The following MYO9A variants were observed in gnomAD, a reference collection of about 807,000 sequenced individuals.
MYO9A encodes the protein unconventional myosin-IXa.
Under a neutral mutation model 293.3 loss-of-function variants are expected in MYO9A, and 103 were observed. That is an observed-to-expected ratio of 0.35 (90% CI 0.30 to 0.41). The LOEUF (loss-of-function observed/expected upper bound fraction) is 0.41. Ranked by LOEUF, MYO9A falls within the 10% of genes least tolerant of loss-of-function variation. The pLI, the probability that MYO9A is intolerant of heterozygous loss-of-function variation, is 1.00. For missense variants in MYO9A, 2,685 were observed against 3,033.0 expected (o/e 0.89, Z 2.69); for synonymous variants, 1,001 against 1,035.7 (o/e 0.97, Z 0.64).
At chr15:71,838,577 T>G (rs1320448341) in intron 39 of MYO9A, among the ~76,000 whole-genome samples, 1 of 152,160 alleles carries the variant, frequency 6.6e-6, no homozygotes, top group Non-Finnish European at 1.5e-5. Context: ...GTTCCTAAAA[T>G]GAGAATATCA....
chr15:72,057,596 GC>G (rs2149910575), intron 1 of MYO9A, among the ~76,000 whole-genome samples: 1 of 152,274 alleles, frequency 6.6e-6, no homozygotes, highest in Admixed American at 6.5e-5. Context: ...ATTACTCTTA[GC>G]CACAGTGGCT....
intron 2 of MYO9A, among the ~76,000 whole-genome samples, chr15:72,035,456 C>A (rs370665578): frequency 1.6e-4 from 24 of 152,198 alleles, no homozygotes; most frequent in African/African-American, 5.5e-4. Context: ...AAACAACTGC[C>A]GTATTTTAAC....
chr15:71,999,965 A>G, intron 8 of MYO9A, 25 bp from the exon 9 acceptor site: 2 of 1,559,120 alleles, frequency 1.3e-6, no homozygotes, highest in Middle Eastern at 1.7e-4. Context: ...AGTAAACTCA[A>G]TATGTAAGAT....
At chr15:71,995,815 T>C (rs1275798555) in intron 9 of MYO9A, among the ~76,000 whole-genome samples, 1 of 152,100 alleles carries the variant, frequency 6.6e-6, no homozygotes, top group Non-Finnish European at 1.5e-5. Flanking sequence ...TTACTTAACC[T>C]CTTAGGCTAC....
intron 15 of MYO9A, among the ~76,000 whole-genome samples, chr15:71,950,584 A>C (rs549070550): frequency 2.6e-5 from 4 of 152,352 alleles, no homozygotes; most frequent in African/African-American, 9.6e-5. Flanking sequence ...GCAACAATTA[A>C]GAATAATTTT....
intron 4 of MYO9A, among the ~76,000 whole-genome samples, chr15:72,025,520 C>G (rs1207540801): frequency 1.3e-5 from 2 of 152,236 alleles, no homozygotes; most frequent in African/African-American, 4.8e-5. Flanking sequence ...GCAACCACAC[C>G]TGGATAGTTT....
chr15:71,897,110 G>A lies in MYO9A; in HGVS notation c.5042+351C>T, dbSNP rs183908756. ...AACAAAACAAATTAACTTCTTTAAA[G>A]CCTGAAACAAACAACCTTCAACTAC... On this transcript the variant is annotated intron_variant, in intron 25 of 41. Coordinates refer to ENST00000356056, the MANE Select transcript of MYO9A (RefSeq NM_006901.4). 944 of 194,452 alleles carry A rather than the reference G, an allele frequency of 4.9e-3. 6 individuals carry two copies. The highest frequency in any genetic ancestry group is 7.4e-3 in the Non-Finnish European group (702 of 94,850). The allele number at this position is 194,452 out of a possible 1,614,324, so 12.0% of individuals were successfully genotyped here. A position where few individuals can be genotyped will look rare whatever the true frequency, so the allele number is the denominator to read the frequency against.
chr15:71,980,833 G>A (rs2076253340), intron 11 of MYO9A, among the ~76,000 whole-genome samples: 1 of 152,148 alleles, frequency 6.6e-6, no homozygotes, highest in Admixed American at 6.5e-5. Context: ...GCGAGACTCT[G>A]TCTTAAAAAC....
chr15:71,936,610 T>C (rs1029706698), intron 16 of MYO9A, among the ~76,000 whole-genome samples: 9 of 152,264 alleles, frequency 5.9e-5, no homozygotes, highest in Middle Eastern at 3.4e-3. Context: ...ATATGTATAA[T>C]TATTATGAGT....
intron 15 of MYO9A, among the ~76,000 whole-genome samples, chr15:71,944,247 A>G (rs1434488566): frequency 6.6e-6 from 1 of 152,130 alleles, no homozygotes; most frequent in African/African-American, 2.4e-5. Context: ...GTCCATTATC[A>G]GGTATGAATA....
In MYO9A at chr15:71,822,803, A is replaced by C. The variant is rs2054325301; in HGVS notation, c.*3777T>G. 1 of 152,162 alleles carries C rather than the reference A, an allele frequency of 6.6e-6. No homozygotes were observed. Among genetic ancestry groups the C allele is most frequent in the South Asian group, 2.1e-4 (1 of 4,828 alleles). 9.4% of individuals were successfully genotyped at this position (152,162 alleles called of 1,614,324 possible). On this transcript the variant is annotated 3_prime_UTR_variant, in exon 42 of 42. Transcript: ENST00000356056. The stretch of plus-strand genomic sequence containing the variant: ...AGGCCCATTGTTGGGGCTTTTTTGA[A>C]AATAGTTTCAACCAGGGGACCAACA...
At chr15:71,964,158 T>A in intron 13 of MYO9A, among the ~76,000 whole-genome samples, 1 of 152,310 alleles carries the variant, frequency 6.6e-6, no homozygotes, top group East Asian at 1.9e-4. Flanking sequence ...TTTTATATTA[T>A]CAGTTATTTT....
At chr15:72,022,657 C>T (rs2077537810) in intron 4 of MYO9A, among the ~76,000 whole-genome samples, 1 of 152,112 alleles carries the variant, frequency 6.6e-6, no homozygotes, top group South Asian at 2.1e-4. Context: ...AAGTGATTCT[C>T]CCACTTCAGC....
intron 26 of MYO9A, chr15:71,892,905 T>C: frequency 9.4e-7 from 1 of 1,059,584 alleles, no homozygotes; most frequent in South Asian, 1.6e-5. Flanking sequence ...AGCTTTAGAT[T>C]AGCAAAGACT....
intron 11 of MYO9A, among the ~76,000 whole-genome samples, chr15:71,979,603 C>T (rs1229069396): frequency 1.3e-5 from 2 of 152,052 alleles, no homozygotes; most frequent in Non-Finnish European, 1.5e-5. Flanking sequence ...TTGGATGTAC[C>T]TGAAGTTCAT....
intron 19 of MYO9A, among the ~76,000 whole-genome samples, chr15:71,916,069 T>C (rs2058003609): frequency 6.6e-6 from 1 of 152,156 alleles, no homozygotes; most frequent in Admixed American, 6.6e-5. Flanking sequence ...ACAGTGACAT[T>C]ATCTAAGCAG....
At chr15:71,996,217 A>T (rs1220187058) in intron 9 of MYO9A, among the ~76,000 whole-genome samples, 3 of 152,208 alleles carry the variant, frequency 2.0e-5, no homozygotes, top group East Asian at 1.9e-4. Context: ...TTTAAAACTA[A>T]ATCAACAAAT....
intron 1 of MYO9A, among the ~76,000 whole-genome samples, chr15:72,110,994 C>A (rs2080760656): frequency 6.6e-6 from 1 of 151,798 alleles, no homozygotes; most frequent in African/African-American, 2.4e-5. Context: ...CCTGTCTCTA[C>A]TAAAAATACA....
chr15:72,053,937 G>A (rs2149832879), intron 1 of MYO9A, among the ~76,000 whole-genome samples: 1 of 152,216 alleles, frequency 6.6e-6, no homozygotes, highest in Middle Eastern at 3.4e-3. Context: ...AAATAGTAAA[G>A]TTTTAAAGCT....
Sources: allele counts gnomAD v4.1 joint callset (sites outside exome capture counted in the v4.1 genomes callset), GRCh38; gene constraint gnomAD v4.1.1; transcripts MANE v1.5; gene names NCBI Gene and HGNC (gene_info 2026-07-23, HGNC 2026-07-21).